PCDHGA7: variants seen among roughly 807,000 people sequenced by gnomAD.
PCDHGA7 encodes the protein protocadherin gamma subfamily A, 7.
A neutral mutation model predicts 58.3 loss-of-function variants in PCDHGA7; 44 were observed. The observed-to-expected ratio is 0.75, with a 90% confidence interval of 0.59 to 0.97. PCDHGA7 has a LOEUF of 0.97. Ranked by LOEUF, PCDHGA7 falls within the 50% of genes least tolerant of loss-of-function variation. The pLI is 0.00. For synonymous variants in PCDHGA7, 516 were observed against 504.2 expected, an observed-to-expected ratio of 1.02 and a Z score of -0.31; for missense variants, 1,266 against 1,188.7, an observed-to-expected ratio of 1.06 and a Z score of -0.96.
chr5:141,385,236 C>T lies in PCDHGA7; in HGVS notation c.2337C>T (p.Leu779=). The T allele has an allele frequency of 2.5e-6, 4 of 1,614,152 alleles. No homozygotes were observed. The highest frequency in any genetic ancestry group is 3.4e-6 in the Non-Finnish European group (4 of 1,179,970). Residue 779 remains leucine, a synonymous_variant, in exon 1 of 4, where the codon CTC becomes CTT. Coordinates refer to ENST00000518325, the MANE Select transcript of PCDHGA7 (RefSeq NM_018920.4). ...IFPQPNYVDM[L]ISQESCEKND... ...CCCAGCCCAACTATGTAGACATGCTCATCAGCCAGGAGAGCTGTGAGAAAA... is the reference window on the plus strand; with the variant it reads ...CCCAGCCCAACTATGTAGACATGCTTATCAGCCAGGAGAGCTGTGAGAAAA...
Position 141,490,330 on chromosome 5 carries a change from C to G in PCDHGA7, c.2425-4477C>G. 4 of 1,614,198 alleles carry G rather than the reference C, an allele frequency of 2.5e-6. No homozygotes were observed. Among genetic ancestry groups the G allele is most frequent in the South Asian group, 1.1e-5 (1 of 91,082 alleles). On this transcript the variant is annotated intron_variant, in intron 1 of 3. Coordinates refer to ENST00000518325, the MANE Select transcript of PCDHGA7 (RefSeq NM_018920.4). This position sits in a 1 kb window ranked among gnomAD's most constrained non-coding sequence, Gnocchi z 5.4. ...GGCCAACCCTGTCCTAGAGAGCACACCAGTGGGCACAGTAGTGGGGTTGTT... is the reference window on the plus strand; with the variant it reads ...GGCCAACCCTGTCCTAGAGAGCACAGCAGTGGGCACAGTAGTGGGGTTGTT...
At position 141,431,412 on chromosome 5, in the gene PCDHGA7, G is replaced by A. The variant is rs1458036274; in HGVS notation, c.2424+46089G>A. ...CTGGTCCTTACGGCCTCCGACGGGG[G>A]CGACCCGGTGCGCACAGGCACCGCG... On this transcript the variant is annotated intron_variant, in intron 1 of 3. Transcript: ENST00000518325. This position sits in a 1 kb window ranked among gnomAD's most constrained non-coding sequence, Gnocchi z 4.8. 1 of 1,613,596 alleles carries A rather than the reference G, an allele frequency of 6.2e-7. No homozygotes were observed. Among genetic ancestry groups the A allele is most frequent in the Non-Finnish European group, 8.5e-7 (1 of 1,180,058 alleles).
At chr5:141,423,557 G>A (rs1365715281) in intron 1 of PCDHGA7, 4 of 1,613,536 alleles carry the variant, frequency 2.5e-6, no homozygotes, top group East Asian at 2.2e-5. Context: ...CCCAACTATG[G>A]GGACACGCTC....
At chr5:141,393,512 G>A in intron 1 of PCDHGA7, 1 of 1,613,996 alleles carries the variant, frequency 6.2e-7, no homozygotes, top group Non-Finnish European at 8.5e-7. Flanking sequence ...TGACAGTGTT[G>A]GATACAAATG....
intron 1 of PCDHGA7, chr5:141,409,395 C>T: frequency 6.2e-7 from 1 of 1,614,030 alleles, no homozygotes; most frequent in South Asian, 1.1e-5. Flanking sequence ...TATTCTTCTT[C>T]CAATAACTAC....
At chr5:141,465,504 G>T (rs2099104593) in intron 1 of PCDHGA7, among the ~76,000 whole-genome samples, 2 of 152,152 alleles carry the variant, frequency 1.3e-5, no homozygotes. Context: ...GCATTGTCGT[G>T]GTCAGGAAGG....
intron 1 of PCDHGA7, chr5:141,394,982 C>G (rs754667421): frequency 2.7e-5 from 44 of 1,613,866 alleles, no homozygotes; most frequent in Non-Finnish European, 3.6e-5. Context: ...ACAAGTCACG[C>G]CTGCTCCAGG....
chr5:141,386,894 A>G (rs1266264149), intron 1 of PCDHGA7, among the ~76,000 whole-genome samples: 1 of 152,228 alleles, frequency 6.6e-6, no homozygotes, highest in Non-Finnish European at 1.5e-5. Context: ...TGTTTCCTTC[A>G]ATTCAGAGGT....
intron 1 of PCDHGA7, among the ~76,000 whole-genome samples, chr5:141,469,207 G>T (rs2099193654): frequency 6.6e-6 from 1 of 151,820 alleles, no homozygotes; most frequent in African/African-American, 2.4e-5. Flanking sequence ...GCCTTTTGAA[G>T]TTGAGGCTTC....
intron 1 of PCDHGA7, chr5:141,427,726 T>C: frequency 8.7e-7 from 1 of 1,155,152 alleles, no homozygotes; most frequent in Non-Finnish European, 1.3e-6. Context: ...GACCTAGGGC[T>C]GAATGGCCAA....
intron 1 of PCDHGA7, chr5:141,393,354 G>T: frequency 6.2e-7 from 1 of 1,613,944 alleles, no homozygotes; most frequent in African/African-American, 1.3e-5. Flanking sequence ...CTTCTCCCTG[G>T]ACGTGCAGAC....
intron 1 of PCDHGA7, chr5:141,478,091 A>G: frequency 6.2e-7 from 1 of 1,613,972 alleles, no homozygotes; most frequent in African/African-American, 1.3e-5. Flanking sequence ...GCTCTCCACC[A>G]CTGCTACCCT....
rs531285035 is a variant in PCDHGA7, at chr5:141,493,409, C to T, written c.2425-1398C>T. Among the ~76,000 whole-genome samples, 4 of 152,286 alleles carry T rather than the reference C, an allele frequency of 2.6e-5. No homozygotes were observed. The East Asian group carries it at 7.7e-4, about 29-fold the overall frequency. On this transcript the variant is annotated intron_variant, in intron 1 of 3. Coordinates refer to ENST00000518325, the MANE Select transcript of PCDHGA7 (RefSeq NM_018920.4). The surrounding 1 kb of genome is among the most constrained non-coding windows in gnomAD (Gnocchi z 4.3). Reference sequence around the variant, plus strand: ...GGACAGGAGAGGGGAGTTGCCTCTGCTGGGATTTTGCTTCTGCTGGGATGG... The same window carrying T: ...GGACAGGAGAGGGGAGTTGCCTCTGTTGGGATTTTGCTTCTGCTGGGATGG...
chr5:141,495,080 G>A (rs73794925), intron 2 of PCDHGA7, among the ~76,000 whole-genome samples: 1 of 152,258 alleles, frequency 6.6e-6, no homozygotes, highest in African/African-American at 2.4e-5. Flanking sequence ...TCACATGCTT[G>A]CCCCTTCCCT....
intron 1 of PCDHGA7, chr5:141,416,001 G>C (rs2095980823): frequency 4.0e-6 from 1 of 253,062 alleles, no homozygotes; most frequent in Non-Finnish European, 7.3e-6. Flanking sequence ...AGGCAGGTCT[G>C]GTAAGAATAG....
chr5:141,390,561 G>A (rs921631416), intron 1 of PCDHGA7: 1 of 436,212 alleles, frequency 2.3e-6, no homozygotes, highest in African/African-American at 2.0e-5. Flanking sequence ...TTAGACAGTT[G>A]TTGGCTCTCT....
chr5:141,413,002 G>A, intron 1 of PCDHGA7: 2 of 597,506 alleles, frequency 3.3e-6, no homozygotes, highest in East Asian at 3.0e-5. Context: ...GGATTCTCAG[G>A]GCTTCAACTA....
intron 1 of PCDHGA7, chr5:141,423,755 G>GGT (rs1554116817): frequency 5.9e-6 from 3 of 512,508 alleles, no homozygotes; most frequent in Non-Finnish European, 7.8e-6. Context: ...CTGTTTGGGG[G>GGT]GGGGGTGGGG....
chr5:141,417,975 A>C, intron 1 of PCDHGA7: 3 of 1,613,724 alleles, frequency 1.9e-6, no homozygotes, highest in Non-Finnish European at 2.5e-6. Context: ...TCGATTCCGG[A>C]GGAGCTGGCC....
Sources: gnomAD v4.1 joint callset for allele counts (sites outside exome capture counted in the v4.1 genomes callset) on GRCh38, gnomAD v4.1.1 for gene constraint, Gnocchi (gnomAD v3.1) non-coding constraint, MANE v1.5 for transcripts, NCBI Gene and HGNC (gene_info 2026-07-23, HGNC 2026-07-21) for gene names.